The following ARMC2 variants were observed in gnomAD, a reference collection of about 807,000 sequenced individuals.
The protein encoded by ARMC2 is armadillo repeat-containing protein 2.
ARMC2 carries 67 observed loss-of-function variants against 90.3 expected under a neutral mutation model. That is an observed-to-expected ratio of 0.74 (90% CI 0.61 to 0.91). The LOEUF is 0.91. Among genes scored for constraint, ARMC2 ranks in the 40% least tolerant of loss-of-function variants. The pLI is 0.00. For missense variants in ARMC2, 920 were observed against 1,030.9 expected, an observed-to-expected ratio of 0.89 and a Z score of 1.47; for synonymous variants, 393 against 393.0, an observed-to-expected ratio of 1.00 and a Z score of 0.00.
chr6:108,911,887 A>G (rs1562380943), intron 9 of ARMC2, among the ~76,000 whole-genome samples: 1 of 152,122 alleles, frequency 6.6e-6, no homozygotes, highest in Non-Finnish European at 1.5e-5. Flanking sequence ...TATTCAAGTT[A>G]TCTTTCTAGG....
At chr6:108,951,981 C>T (rs1233054125) in intron 12 of ARMC2, among the ~76,000 whole-genome samples, 1 of 152,242 alleles carries the variant, frequency 6.6e-6, no homozygotes, top group African/African-American at 2.4e-5. Context: ...GTCTGGGTCA[C>T]CCTGGAATCA....
chr6:108,956,683 A>C (rs143867941), intron 13 of ARMC2, among the ~76,000 whole-genome samples: 1 of 152,070 alleles, frequency 6.6e-6, no homozygotes, highest in African/African-American at 2.4e-5. Flanking sequence ...CCTGGGCAAC[A>C]GAGTGAGACC....
chr6:108,882,610 C>T (rs1428498579), intron 5 of ARMC2, among the ~76,000 whole-genome samples: 1 of 151,912 alleles, frequency 6.6e-6, no homozygotes, highest in African/African-American at 2.4e-5. Flanking sequence ...TAGAATAAAA[C>T]AGGTGAAAAT....
Position 108,928,195 on chromosome 6 carries a change from T to C in ARMC2, c.1458T>C (p.Gly486=). ...GCACGGCAATGGAACAGTACAAGGG[T>C]GACAAGGACGTCTGTACCAATATTG... The part of the protein sequence containing the change: ...QLCTAMEQYK[G]DKDVCTNIAR... Residue 486 remains glycine (G), a synonymous_variant, in exon 11 of 18, where the codon GGT becomes GGC. Coordinates refer to ENST00000392644, the MANE Select transcript of ARMC2 (RefSeq NM_032131.6). 6.4e-7 allele frequency: 1 copy of C among 1,572,414 alleles called. No homozygotes were observed. The highest frequency in any genetic ancestry group is 1.2e-5 in the South Asian group (1 of 82,568).
intron 5 of ARMC2, among the ~76,000 whole-genome samples, chr6:108,877,617 C>A (rs942315898): frequency 6.6e-6 from 1 of 152,088 alleles, no homozygotes; most frequent in African/African-American, 2.4e-5. Flanking sequence ...TAAAAGGCAG[C>A]AGGAAAACTT....
chr6:108,959,406 A>G (rs1777826697), intron 13 of ARMC2: 2 of 152,262 alleles, frequency 1.3e-5, no homozygotes. Context: ...GGTTTCATAC[A>G]GGAAAGAAAA....
the ARMC2 span, chr6:108,994,507 G>A: frequency 6.2e-7 from 1 of 1,612,674 alleles, no homozygotes; most frequent in Non-Finnish European, 8.5e-7. Flanking sequence ...ATTTCAAAAC[G>A]TGAAGCCATC....
At chr6:108,885,454 C>T (rs1449854535) in intron 5 of ARMC2, among the ~76,000 whole-genome samples, 1 of 152,052 alleles carries the variant, frequency 6.6e-6, no homozygotes, top group Non-Finnish European at 1.5e-5. Flanking sequence ...CACCTGTGAT[C>T]TCAGCACTTT....
chr6:108,998,508 CTTACAGAAACATTTT>C, the ARMC2 span: 1 of 1,613,390 alleles, frequency 6.2e-7, no homozygotes, highest in East Asian at 2.2e-5. Context: ...ACAAATAATA[CTTACAGAAACATTTT>C]CTGCTGAGTT....
At chr6:108,887,725 TCA>T (rs2128450273) in intron 5 of ARMC2, among the ~76,000 whole-genome samples, 1 of 152,344 alleles carries the variant, frequency 6.6e-6, no homozygotes, top group East Asian at 1.9e-4. Context: ...ACGAAGAATT[TCA>T]CAGAGGAGCT....
chr6:108,854,211 C>T lies in ARMC2; in HGVS notation c.-43-14C>T. On this transcript the variant is annotated splice_polypyrimidine_tract_variant and intron_variant, in intron 1 of 17. Coordinates refer to ENST00000392644, the MANE Select transcript of ARMC2 (RefSeq NM_032131.6). ...GACAAAAATAATGATGGTTTTTGTA[C>T]CATGTATTTGCAGGGTGTGGTGTCT... The T allele has an allele frequency of 7.5e-7, 1 of 1,335,126 alleles. No homozygotes were observed. The highest frequency in any genetic ancestry group is 1.0e-6 in the Non-Finnish European group (1 of 958,268). The allele number at this position is 1,335,126 out of a possible 1,614,324, so 82.7% of individuals were successfully genotyped here.
At chr6:108,929,223 A>C (rs1258233101) in intron 11 of ARMC2, among the ~76,000 whole-genome samples, 1 of 152,134 alleles carries the variant, frequency 6.6e-6, no homozygotes, top group African/African-American at 2.4e-5. Flanking sequence ...GCATTGTAGA[A>C]TCATAAGGAA....
the ARMC2 span, among the ~76,000 whole-genome samples, chr6:109,022,800 CAGAG>C: frequency 6.6e-6 from 1 of 152,092 alleles, no homozygotes; most frequent in African/African-American, 2.4e-5. Context: ...ATGGGAAACT[CAGAG>C]AGGTTAAGTA....
intron 10 of ARMC2, among the ~76,000 whole-genome samples, chr6:108,915,326 T>G (rs1412459980): frequency 6.6e-6 from 1 of 152,014 alleles, no homozygotes; most frequent in East Asian, 1.9e-4. Context: ...GTAGTAAGAA[T>G]AAAATAATGT....
chr6:109,032,460 T>C, the ARMC2 span, among the ~76,000 whole-genome samples: 1 of 150,786 alleles, frequency 6.6e-6, no homozygotes, highest in Admixed American at 6.6e-5. Context: ...CTACTAAAAA[T>C]ACAAAAAATT....
the ARMC2 span, among the ~76,000 whole-genome samples, chr6:109,042,231 C>T: frequency 6.6e-6 from 1 of 151,870 alleles, no homozygotes; most frequent in African/African-American, 2.4e-5. Context: ...ATTTATAACA[C>T]TACATATATA....
chr6:108,997,710 C>T, the ARMC2 span, among the ~76,000 whole-genome samples: 1 of 152,152 alleles, frequency 6.6e-6, no homozygotes. Context: ...CCTGTCAAAT[C>T]TATTTCAAAG....
chr6:108,957,025 C>G (rs1777633609), intron 13 of ARMC2, among the ~76,000 whole-genome samples: 1 of 152,156 alleles, frequency 6.6e-6, no homozygotes, highest in African/African-American at 2.4e-5. Flanking sequence ...TACAGGTGGT[C>G]AAGGGCCTCC....
the ARMC2 span, among the ~76,000 whole-genome samples, chr6:109,031,500 C>G: frequency 6.6e-6 from 1 of 152,128 alleles, no homozygotes; most frequent in African/African-American, 2.4e-5. Context: ...AAGTCTTTCC[C>G]CTCTAATCAT....
Sources: gnomAD v4.1 joint callset for allele counts (sites outside exome capture counted in the v4.1 genomes callset) on GRCh38, gnomAD v4.1.1 for gene constraint, MANE v1.5 for transcripts, NCBI Gene and HGNC (gene_info 2026-07-23, HGNC 2026-07-21) for gene names.